HADHA: variants seen among roughly 807,000 people sequenced by gnomAD.
HADHA encodes the protein hydroxyacyl-CoA dehydrogenase trifunctional multienzyme complex subunit alpha.
A neutral mutation model predicts 91.3 loss-of-function variants in HADHA; 59 were observed. The observed-to-expected ratio is 0.65, with a 90% CI of 0.52 to 0.80. The LOEUF (loss-of-function observed/expected upper bound fraction) is 0.80, where lower values mean the gene tolerates loss of function less well. Among genes scored for constraint, HADHA ranks in the 30% least tolerant of loss-of-function variants. The pLI is 0.00. For synonymous variants in HADHA, 320 were observed against 338.9 expected (o/e 0.94, Z 0.61); for missense variants, 800 against 927.6 (o/e 0.86, Z 1.79).
At chr2:26,206,761 G>A (rs1315747114) in intron 11 of HADHA, among the ~76,000 whole-genome samples, 1 of 152,278 alleles carries the variant, frequency 6.6e-6, no homozygotes, top group East Asian at 1.9e-4. Flanking sequence ...ATGAAAAATT[G>A]TAACAGCCAG....
intron 11 of HADHA, among the ~76,000 whole-genome samples, chr2:26,206,968 CAGG>C (rs930090590): frequency 1.3e-5 from 2 of 151,870 alleles, no homozygotes; most frequent in African/African-American, 4.8e-5. Context: ...GAGGATGAGG[CAGG>C]AGGACTGCTT....
intron 7 of HADHA, among the ~76,000 whole-genome samples, chr2:26,226,159 T>C (rs566158221): frequency 6.6e-6 from 1 of 152,312 alleles, no homozygotes; most frequent in South Asian, 2.1e-4. Flanking sequence ...TACCAAACAC[T>C]GCTGAGAGAA....
At chr2:26,197,273 G>A (rs1471245771) in intron 14 of HADHA, among the ~76,000 whole-genome samples, 1 of 152,194 alleles carries the variant, frequency 6.6e-6, no homozygotes, top group African/African-American at 2.4e-5. Context: ...GGTAGAAGGT[G>A]TAAGCAAACC....
In HADHA at chr2:26,201,135, A is replaced by C. The variant is rs764815608; in HGVS notation, c.1392+14T>G. On this transcript the variant is annotated intron_variant, in intron 13 of 19. Transcript: ENST00000380649. ...CACTACACTAGGATTCAAGTACAACAGCCCCTTGCTTACCGCTTCTACTTC... is the reference window on the plus strand; with the variant it reads ...CACTACACTAGGATTCAAGTACAACCGCCCCTTGCTTACCGCTTCTACTTC... 35 of 1,596,872 alleles carry C rather than the reference A, an allele frequency of 2.2e-5. No homozygotes were observed. Among genetic ancestry groups the C allele is most frequent in the Non-Finnish European group, 2.9e-5 (34 of 1,164,324 alleles).
chr2:26,235,734 T>C (rs914865501), intron 4 of HADHA, among the ~76,000 whole-genome samples: 3 of 152,196 alleles, frequency 2.0e-5, no homozygotes, highest in Non-Finnish European at 4.4e-5. Context: ...TTGTCTAAAA[T>C]ACAAAGAACA....
intron 6 of HADHA, among the ~76,000 whole-genome samples, chr2:26,230,902 CAA>C (rs1483778352): frequency 2.6e-5 from 4 of 152,208 alleles, no homozygotes; most frequent in Admixed American, 2.6e-4. Context: ...GCCTGAACAA[CAA>C]AAGTGACTCT....
At chr2:26,236,747 G>A (rs1249654422) in intron 4 of HADHA, 108 bp downstream of exon 4, 21 of 862,576 alleles carry the variant, frequency 2.4e-5, no homozygotes, top group African/African-American at 5.0e-5. Context: ...ACAGGCCTGT[G>A]TCACTGTGCC....
intron 10 of HADHA, chr2:26,212,338 C>T (rs780975514): frequency 1.0e-4 from 54 of 520,034 alleles, no homozygotes; most frequent in Non-Finnish European, 5.3e-5. Flanking sequence ...CTGCCCACCT[C>T]GGCCTCCCAG....
At chr2:26,218,929 C>T (rs1384138004) in intron 7 of HADHA, among the ~76,000 whole-genome samples, 1 of 147,918 alleles carries the variant, frequency 6.8e-6, no homozygotes, top group Admixed American at 6.8e-5. Flanking sequence ...ATTGATTGAA[C>T]CTGGGAGGCA....
intron 13 of HADHA, among the ~76,000 whole-genome samples, chr2:26,200,050 G>A (rs1669790218): frequency 6.6e-6 from 1 of 152,222 alleles, no homozygotes; most frequent in Non-Finnish European, 1.5e-5. Flanking sequence ...GAGGACAACC[G>A]AAACGGGGTG....
At chr2:26,192,241 A>C in intron 18 of HADHA, 69 bp downstream of exon 18, 1 of 795,772 alleles carries the variant, frequency 1.3e-6, no homozygotes. Context: ...AAAATGGAAG[A>C]GGGGCTGGGA....
intron 9 of HADHA, 53 bp from the exon 10 acceptor site, chr2:26,212,679 A>T: frequency 8.7e-7 from 1 of 1,148,468 alleles, no homozygotes; most frequent in Non-Finnish European, 1.3e-6. Flanking sequence ...GGCGAGATGT[A>T]CAATAATGCT....
At chr2:26,241,477 C>A (rs369546086) in intron 1 of HADHA, among the ~76,000 whole-genome samples, 1,815 of 136,978 alleles carry the variant, frequency 0.013, 46 homozygotes, top group African/African-American at 0.046. Flanking sequence ...ACAACAACAA[C>A]AAAAAAAAAA....
In HADHA at chr2:26,244,538, C is replaced by A; in HGVS notation, c.59G>T (p.Arg20Leu). The change falls in exon 1 of 20, where the codon CGC (arginine) becomes CTC (leucine). Residue 20 changes from arginine (R) to leucine (L), a missense_variant. Transcript: ENST00000380649. ...CCTCGGCCAGGCCTCACCTCGGGAG[C>A]GGAGGATCCTGAAGGCAGAAAAGCG... ...LSRFSAFRIL[R>L]SRGYICRNFT... The A allele has an allele frequency of 6.3e-7, 1 of 1,581,922 alleles. No homozygotes were observed. Among genetic ancestry groups the A allele is most frequent in the Non-Finnish European group, 8.6e-7 (1 of 1,163,446 alleles).
chr2:26,204,848 A>T (rs1277131013), intron 11 of HADHA, among the ~76,000 whole-genome samples: 1 of 152,128 alleles, frequency 6.6e-6, no homozygotes, highest in Admixed American at 6.6e-5. Context: ...TCAGCCTCCC[A>T]AAGAGATGGG....
chr2:26,234,676 G>T (rs890705370), intron 4 of HADHA, among the ~76,000 whole-genome samples: 1 of 151,020 alleles, frequency 6.6e-6, no homozygotes, highest in Non-Finnish European at 1.5e-5. Flanking sequence ...TGAGGCAGGA[G>T]AACAGTGTGA....
At chr2:26,223,860 C>T (rs1670428748) in intron 7 of HADHA, among the ~76,000 whole-genome samples, 1 of 152,196 alleles carries the variant, frequency 6.6e-6, no homozygotes, top group African/African-American at 2.4e-5. Flanking sequence ...GATTCTCCTG[C>T]CTCAGCCTCC....
intron 1 of HADHA, among the ~76,000 whole-genome samples, chr2:26,241,240 T>G (rs1670880237): frequency 6.6e-6 from 1 of 152,214 alleles, no homozygotes; most frequent in Non-Finnish European, 1.5e-5. Flanking sequence ...AAAACATTAC[T>G]TTGGTTGTAA....
At chr2:26,228,348 G>A (rs111456390) in intron 7 of HADHA, among the ~76,000 whole-genome samples, 1,618 of 152,022 alleles carry the variant, frequency 0.011, 9 homozygotes, top group Non-Finnish European at 0.018. Flanking sequence ...TCAGGCTGGT[G>A]TTGAATTCCT....
Sources: gnomAD v4.1 joint callset for allele counts (sites outside exome capture counted in the v4.1 genomes callset) on GRCh38, gnomAD v4.1.1 for gene constraint, MANE v1.5 for transcripts, NCBI Gene and HGNC (gene_info 2026-07-23, HGNC 2026-07-21) for gene names.